Variants in TMEM132D observed in about 807,000 individuals in gnomAD.
TMEM132D encodes the protein transmembrane protein 132D.
A neutral mutation model predicts 62.3 loss-of-function variants in TMEM132D; 21 were observed. The observed-to-expected ratio is 0.34, with a 90% CI of 0.24 to 0.49. The LOEUF (loss-of-function observed/expected upper bound fraction) is 0.49, where lower values mean the gene tolerates loss of function less well. Ranked by LOEUF, TMEM132D falls within the 20% of genes least tolerant of loss-of-function variation. The pLI, the probability that TMEM132D is intolerant of heterozygous loss-of-function variation, is 0.99. For synonymous variants in TMEM132D, 621 were observed against 575.6 expected, an observed-to-expected ratio of 1.08 and a Z score of -1.13; for missense variants, 1,346 against 1,402.8, an observed-to-expected ratio of 0.96 and a Z score of 0.65.
chr12:129,314,630 A>G (rs1004781479), intron 4 of TMEM132D, among the ~76,000 whole-genome samples: 3 of 152,120 alleles, frequency 2.0e-5, no homozygotes, highest in African/African-American at 7.2e-5. Flanking sequence ...TATGAATTTT[A>G]GAATTGTTTT....
chr12:129,512,586 G>A (rs1875526951), intron 3 of TMEM132D, among the ~76,000 whole-genome samples: 1 of 152,210 alleles, frequency 6.6e-6, no homozygotes, highest in Non-Finnish European at 1.5e-5. Context: ...AAGAATTTGG[G>A]AGCAGCTTAG....
At chr12:129,490,995 A>C (rs751735026) in intron 3 of TMEM132D, among the ~76,000 whole-genome samples, 1 of 152,020 alleles carries the variant, frequency 6.6e-6, no homozygotes, top group African/African-American at 2.4e-5. Context: ...TAGTCCTTTA[A>C]TGACACCAGC....
In TMEM132D at chr12:129,499,770, G is replaced by T. The variant is rs577137485; in HGVS notation, c.1115+31289C>A. 1.2e-3 allele frequency among the ~76,000 whole-genome samples: 177 copies of T among 152,300 alleles called. 2 individuals carry two copies. The South Asian group carries it at 0.034, about 29-fold the overall frequency. On this transcript the variant is annotated intron_variant, in intron 3 of 8. Transcript: ENST00000422113. Reference sequence around the variant, plus strand: ...GGAAGGAATTTAAGTAGAAAACACAGAGTAAGACCGTATGAGGCAGAGTCA... The same window carrying T: ...GGAAGGAATTTAAGTAGAAAACACATAGTAAGACCGTATGAGGCAGAGTCA...
intron 4 of TMEM132D, among the ~76,000 whole-genome samples, chr12:129,267,019 G>T (rs538079007): frequency 6.6e-6 from 1 of 152,170 alleles, no homozygotes; most frequent in African/African-American, 2.4e-5. Flanking sequence ...CACACCTTGG[G>T]ATCAAACGAA....
At chr12:129,519,007 T>C (rs1221292188) in intron 3 of TMEM132D, among the ~76,000 whole-genome samples, 2 of 152,220 alleles carry the variant, frequency 1.3e-5, no homozygotes, top group East Asian at 3.8e-4. Context: ...CATGTGAAGT[T>C]TGAATAGAAT....
intron 5 of TMEM132D, chr12:129,111,558 T>G (rs1268411311): frequency 2.0e-5 from 3 of 151,584 alleles, no homozygotes; most frequent in Non-Finnish European, 2.9e-5. Context: ...AGAGAAGGAG[T>G]TGCTCTATTA....
chr12:129,704,861 A>G (rs1881466886), intron 1 of TMEM132D, among the ~76,000 whole-genome samples: 1 of 152,244 alleles, frequency 6.6e-6, no homozygotes, highest in Non-Finnish European at 1.5e-5. Context: ...AGTATTTACC[A>G]TAGAATATTG....
intron 4 of TMEM132D, among the ~76,000 whole-genome samples, chr12:129,271,857 G>A (rs532098422): frequency 5.3e-5 from 8 of 151,812 alleles, no homozygotes; most frequent in Admixed American, 2.0e-4. Flanking sequence ...TGTGAACAGT[G>A]CTGCAATAAA....
chr12:129,478,779 G>C (rs1408896430), intron 3 of TMEM132D, among the ~76,000 whole-genome samples: 3 of 152,150 alleles, frequency 2.0e-5, no homozygotes, highest in Admixed American at 2.0e-4. Context: ...GGGTTCTGCA[G>C]GATGCTGACA....
At chr12:129,610,078 T>C (rs1350197991) in intron 2 of TMEM132D, among the ~76,000 whole-genome samples, 1 of 152,192 alleles carries the variant, frequency 6.6e-6, no homozygotes, top group African/African-American at 2.4e-5. Flanking sequence ...AAGACCAGCC[T>C]GGCCAACACA....
intron 4 of TMEM132D, among the ~76,000 whole-genome samples, chr12:129,327,240 G>A (rs191801076): frequency 3.7e-4 from 57 of 152,240 alleles, no homozygotes; most frequent in African/African-American, 1.1e-3. Flanking sequence ...CATGAAATCC[G>A]TAAAGGAAAG....
chr12:129,836,641 C>T (rs1434728809), intron 1 of TMEM132D, among the ~76,000 whole-genome samples: 1 of 151,940 alleles, frequency 6.6e-6, no homozygotes, highest in Non-Finnish European at 1.5e-5. Flanking sequence ...GTTTCTATAA[C>T]AACATAATGG....
chr12:129,306,474 T>G (rs749414826), intron 4 of TMEM132D, among the ~76,000 whole-genome samples: 1 of 152,208 alleles, frequency 6.6e-6, no homozygotes, highest in African/African-American at 2.4e-5. Flanking sequence ...GAATTGGTAT[T>G]ATTATCCATA....
intron 1 of TMEM132D, among the ~76,000 whole-genome samples, chr12:129,798,350 G>C (rs1172823599): frequency 6.6e-6 from 1 of 152,226 alleles, no homozygotes; most frequent in Non-Finnish European, 1.5e-5. Flanking sequence ...GATGTGGAAA[G>C]GGTTAAATGG....
intron 5 of TMEM132D, among the ~76,000 whole-genome samples, chr12:129,121,100 T>C (rs1337338064): frequency 6.8e-6 from 1 of 147,670 alleles, no homozygotes; most frequent in Non-Finnish European, 1.5e-5. Context: ...TTATTTTATT[T>C]ATTTGTTTTT....
intron 3 of TMEM132D, among the ~76,000 whole-genome samples, chr12:129,507,604 C>A (rs7485645): frequency 6.6e-6 from 1 of 152,212 alleles, no homozygotes; most frequent in Non-Finnish European, 1.5e-5. Flanking sequence ...AAGTAACTCA[C>A]GAATGGAAAA....
At chr12:129,096,244 G>C (rs772366689) in intron 5 of TMEM132D, among the ~76,000 whole-genome samples, 1 of 152,162 alleles carries the variant, frequency 6.6e-6, no homozygotes, top group African/African-American at 2.4e-5. Context: ...CTTGGATCTG[G>C]GATTGGAATC....
At position 129,647,243 on chromosome 12, in the gene TMEM132D, GT is replaced by G. The variant is rs57450911; in HGVS notation, c.968+52566del. Among the ~76,000 whole-genome samples, 753 of 117,574 alleles carry G rather than the reference GT, an allele frequency of 6.4e-3. 1 individual carries two copies. The highest frequency in any genetic ancestry group is 8.6e-3 in the Non-Finnish European group (512 of 59,504). 77.1% of individuals were successfully genotyped at this position (117,574 alleles called of 152,430 possible). On this transcript the variant is annotated intron_variant, in intron 2 of 8. Transcript: ENST00000422113. ...TTATTTGCTGTTCCTTTGTTTTTCT[GT>G]TTTTTTTTTTTTTTTGCAATTTGTC... is the stretch of plus-strand genomic sequence containing the variant.
At chr12:129,235,094 C>G (rs1879743246) in intron 4 of TMEM132D, among the ~76,000 whole-genome samples, 1 of 152,162 alleles carries the variant, frequency 6.6e-6, no homozygotes, top group Non-Finnish European at 1.5e-5. Context: ...GGGCGGACTA[C>G]TATATTGAGT....
Sources: allele counts gnomAD v4.1 joint callset (sites outside exome capture counted in the v4.1 genomes callset), GRCh38; gene constraint gnomAD v4.1.1; transcripts MANE v1.5; gene names NCBI Gene and HGNC (gene_info 2026-07-23, HGNC 2026-07-21).